Variants in CADPS observed in about 807,000 individuals in gnomAD.
The protein encoded by CADPS is calcium-dependent secretion activator 1.
Under a neutral mutation model 167.3 loss-of-function variants are expected in CADPS, and 57 were observed. That is an observed-to-expected ratio of 0.34 (90% CI 0.28 to 0.42). The LOEUF (loss-of-function observed/expected upper bound fraction) is 0.42, where lower values mean the gene tolerates loss of function less well. Among genes scored for constraint, CADPS ranks in the 20% least tolerant of loss-of-function variants. CADPS has a pLI of 1.00. For missense variants in CADPS, 1,414 were observed against 1,738.1 expected (o/e 0.81, Z 3.32); for synonymous variants, 676 against 635.3 (o/e 1.06, Z -0.96).
intron 15 of CADPS, 149 bp from the exon 16 acceptor site, chr3:62,516,331 A>G (rs1323900170): frequency 9.2e-7 from 1 of 1,089,970 alleles, no homozygotes; most frequent in East Asian, 2.5e-5. Flanking sequence ...CCAGAATTGC[A>G]AAGCATTGGC....
At chr3:62,559,029 T>C (rs1458272125) in intron 9 of CADPS, among the ~76,000 whole-genome samples, 1 of 152,094 alleles carries the variant, frequency 6.6e-6, no homozygotes, top group Non-Finnish European at 1.5e-5. Flanking sequence ...AGCCTCAGAG[T>C]CTTCATCTGT....
chr3:62,502,582 A>G (rs1279462255), intron 17 of CADPS, among the ~76,000 whole-genome samples: 7 of 152,186 alleles, frequency 4.6e-5, no homozygotes, highest in African/African-American at 1.7e-4. Context: ...TTGGAAATAA[A>G]TGCTCTCTTT....
chr3:62,706,107 A>C lies in CADPS; in HGVS notation c.889-43713T>G, dbSNP rs145745603. Among the ~76,000 whole-genome samples, 329 of 152,112 alleles carry C rather than the reference A, an allele frequency of 2.2e-3. 1 individual carries two copies. The highest frequency in any genetic ancestry group is 7.6e-3 in the African/African-American group (313 of 41,450). On this transcript the variant is annotated intron_variant, in intron 3 of 29. Coordinates refer to ENST00000383710, the MANE Select transcript of CADPS (RefSeq NM_003716.4). ...CTTCTGACAGCTTCCAGAGTGTGGC[A>C]GCTGCTTTTCCACTTTAGGGACTTT...
chr3:62,639,384 A>G (rs2066962855), intron 6 of CADPS, among the ~76,000 whole-genome samples: 1 of 152,154 alleles, frequency 6.6e-6, no homozygotes, highest in African/African-American at 2.4e-5. Context: ...GAGTGTCAAG[A>G]CAGGAAAGGA....
chr3:62,782,644 G>A (rs1322346210), intron 1 of CADPS, among the ~76,000 whole-genome samples: 2 of 152,108 alleles, frequency 1.3e-5, no homozygotes, highest in Non-Finnish European at 2.9e-5. Context: ...TGAAAGAGCA[G>A]AAATATTAGA....
At chr3:62,549,312 G>A (rs2076962028) in intron 11 of CADPS, among the ~76,000 whole-genome samples, 1 of 152,076 alleles carries the variant, frequency 6.6e-6, no homozygotes, top group Non-Finnish European at 1.5e-5. Flanking sequence ...ATGGAAAAGG[G>A]GCAAGAAATT....
chr3:62,556,483 A>G (rs2078166815), intron 10 of CADPS, among the ~76,000 whole-genome samples: 1 of 152,172 alleles, frequency 6.6e-6, no homozygotes, highest in Non-Finnish European at 1.5e-5. Context: ...CATGTGGAAG[A>G]GCAATATGGG....
At chr3:62,746,557 C>T (rs963231028) in intron 3 of CADPS, among the ~76,000 whole-genome samples, 2 of 152,130 alleles carry the variant, frequency 1.3e-5, no homozygotes, top group African/African-American at 2.4e-5. Context: ...AGGCTGTTCT[C>T]GAACTTCTGG....
chr3:62,849,047 G>T (rs1371175325), intron 1 of CADPS, among the ~76,000 whole-genome samples: 4 of 149,794 alleles, frequency 2.7e-5, no homozygotes, highest in South Asian at 2.1e-4. Flanking sequence ...AAGCAATTGT[G>T]AATGGGAGTT....
intron 26 of CADPS, among the ~76,000 whole-genome samples, chr3:62,451,415 G>C (rs533717361): frequency 2.6e-5 from 4 of 151,808 alleles, no homozygotes; most frequent in Non-Finnish European, 5.9e-5. Flanking sequence ...AGGGGAAAAA[G>C]CAACCCAGGT....
intron 3 of CADPS, among the ~76,000 whole-genome samples, chr3:62,691,277 C>T (rs1911192): frequency 0.98 from 149,645 of 152,022 alleles, 73,699 homozygotes; most frequent in Middle Eastern, 1. Context: ...CCAAAACCTA[C>T]AGAACCCTAA....
At position 62,438,131 on chromosome 3, in the gene CADPS, C is replaced by T; in HGVS notation, c.3750G>A (p.Glu1250=). 6.2e-7 allele frequency: 1 copy of T among 1,613,398 alleles called. No individual in the cohort carries two copies. Among genetic ancestry groups the T allele is most frequent in the Non-Finnish European group, 8.5e-7 (1 of 1,179,458 alleles). Residue 1250 remains glutamate, a synonymous_variant, in exon 28 of 30, where the codon GAG becomes GAA. Transcript: ENST00000383710. This position sits in a 1 kb window ranked among gnomAD's most constrained non-coding sequence, Gnocchi z 4.7. ...CAAATAACCTTTCTATGTACATCTC[C>T]TCATTGACCTTATCACGCAGGACAT... The part of the protein sequence containing the change: ...SQDVLRDKVN[E]EMYIERLFDQ...
At chr3:62,808,696 C>G (rs923464438) in intron 1 of CADPS, among the ~76,000 whole-genome samples, 1 of 152,032 alleles carries the variant, frequency 6.6e-6, no homozygotes, top group African/African-American at 2.4e-5. Flanking sequence ...AGTGTCCTTT[C>G]TCTTTCGATG....
rs139721249 is a variant in CADPS, at chr3:62,648,518, C to T, written c.1203+2329G>A. 7.0e-3 allele frequency among the ~76,000 whole-genome samples: 1,056 copies of T among 151,526 alleles called. 38 individuals are homozygous for T. The East Asian group carries it at 0.12, about 17-fold the overall frequency. ...ACAACATGGCAAAACCCCATCTCTA[C>T]AAAAAATACAAAGATTAGCTGGGTT... On this transcript the variant is annotated intron_variant, in intron 5 of 29. Transcript: ENST00000383710.
At chr3:62,829,394 A>G (rs2074658315) in intron 1 of CADPS, among the ~76,000 whole-genome samples, 1 of 152,178 alleles carries the variant, frequency 6.6e-6, no homozygotes, top group African/African-American at 2.4e-5. Context: ...ATACTATGCC[A>G]TTTTATATAA....
intron 9 of CADPS, among the ~76,000 whole-genome samples, chr3:62,558,804 T>G (rs1318919325): frequency 6.6e-6 from 1 of 152,184 alleles, no homozygotes; most frequent in African/African-American, 2.4e-5. Flanking sequence ...TTATAATGTA[T>G]AGGGTTTGCA....
At position 62,399,627 on chromosome 3, in the gene CADPS, C is replaced by G; in HGVS notation, c.3883-42G>C. 1 of 1,545,482 alleles carries G rather than the reference C, an allele frequency of 6.5e-7. No individual in the cohort carries two copies. The highest frequency in any genetic ancestry group is 8.9e-7 in the Non-Finnish European group (1 of 1,120,938). On this transcript the variant is annotated intron_variant, in intron 29 of 29. Coordinates refer to ENST00000383710, the MANE Select transcript of CADPS (RefSeq NM_003716.4). The surrounding 1 kb of genome is among the most constrained non-coding windows in gnomAD (Gnocchi z 5.6). ...TACAGTGATAAGAGAGATCTCATCT[C>G]CATGATGGGGAGGGAGAAGGTAAAA...
At chr3:62,636,014 C>G (rs1232073567) in intron 6 of CADPS, among the ~76,000 whole-genome samples, 1 of 152,192 alleles carries the variant, frequency 6.6e-6, no homozygotes. Context: ...TCTTTAGCTT[C>G]TTTAGTTCAC....
chr3:62,754,703 C>T (rs935056530), intron 2 of CADPS, among the ~76,000 whole-genome samples: 2 of 151,868 alleles, frequency 1.3e-5, no homozygotes, highest in African/African-American at 4.8e-5. Context: ...TTGCCTAGGC[C>T]AGTATGTATT....
Sources: gnomAD v4.1 joint callset for allele counts (sites outside exome capture counted in the v4.1 genomes callset) on GRCh38, gnomAD v4.1.1 for gene constraint, Gnocchi (gnomAD v3.1) non-coding constraint, MANE v1.5 for transcripts, NCBI Gene and HGNC (gene_info 2026-07-23, HGNC 2026-07-21) for gene names.